The following LRP2BP variants were observed in gnomAD, a reference collection of about 807,000 sequenced individuals.
The protein encoded by LRP2BP is LRP2 binding protein.
LRP2BP carries 38 observed loss-of-function variants against 45.2 expected under a neutral mutation model. The ratio of observed to expected loss-of-function variants is 0.84; its 90% CI spans 0.65 to 1.10. LRP2BP has a LOEUF of 1.10. Among genes scored for constraint, LRP2BP ranks in the 50% least tolerant of loss-of-function variants. LRP2BP has a pLI of 0.00. For missense variants in LRP2BP, 385 were observed against 418.9 expected, an observed-to-expected ratio of 0.92 and a Z score of 0.71; for synonymous variants, 153 against 153.9, an observed-to-expected ratio of 0.99 and a Z score of 0.04.
chr4:185,383,483 A>G (rs534127086), intron 1 of LRP2BP, among the ~76,000 whole-genome samples: 1 of 152,292 alleles, frequency 6.6e-6, no homozygotes, highest in South Asian at 2.1e-4. Flanking sequence ...CCATCTCCAA[A>G]AACACACTGC....
chr4:185,369,322 A>G (rs971431041), intron 8 of LRP2BP, among the ~76,000 whole-genome samples: 1 of 149,644 alleles, frequency 6.7e-6, no homozygotes, highest in African/African-American at 2.5e-5. Flanking sequence ...GGTTGAAGCA[A>G]TTCTCCTGCC....
At chr4:185,375,508 A>ATATATATATATATATATG (rs1237179816) in intron 4 of LRP2BP, 105 bp downstream of exon 4, 1 of 87,850 alleles carries the variant, frequency 1.1e-5, no homozygotes, top group Non-Finnish European at 2.0e-5. Flanking sequence ...ATATATATAT[A>ATATATATATATATATATG]TATATATGTA....
Position 185,378,121 on chromosome 4 carries a change from A to G in LRP2BP, c.66T>C (p.Ala22=). The part of the protein sequence containing the change: ...PFYASVSQYA[A]KNQKFFQWKK... ...TCCACTGGAAAAATTTTTGGTTTTT[A>G]GCAGCATACTGAGATACAGAGGCAT... The change falls in exon 2 of 9, where the codon GCT becomes GCC. Residue 22 remains alanine (A), a synonymous_variant. Transcript: ENST00000505916. 6.2e-7 allele frequency: 1 copy of G among 1,613,960 alleles called. No individual in the cohort carries two copies.
chr4:185,378,022 C>A, intron 2 of LRP2BP, 59 bp downstream of exon 2: 2 of 1,337,130 alleles, frequency 1.5e-6, no homozygotes, highest in East Asian at 4.6e-5. Context: ...TTTGCTCTAG[C>A]ATGCAAAATG....
rs891058445 is a variant in LRP2BP, at chr4:185,365,311, TCTTTA to T, written c.*1864_*1868del. ...TCTTTAATGGCAGTTTAAAAAGTGC[TCTTTA>T]CTTAGGGCCGATCTTTTATTATGTT... On this transcript the variant is annotated 3_prime_UTR_variant, in exon 9 of 9. Coordinates refer to ENST00000505916, the MANE Select transcript of LRP2BP (RefSeq NM_001377440.1). 10 of 152,312 alleles carry T rather than the reference TCTTTA, an allele frequency of 6.6e-5. No individual in the cohort carries two copies. Among genetic ancestry groups the T allele is most frequent in the South Asian group, 6.2e-4 (3 of 4,826 alleles). 9.4% of individuals were successfully genotyped at this position (152,312 alleles called of 1,614,324 possible). A position where few individuals can be genotyped will look rare whatever the true frequency, so the allele number is the denominator to read the frequency against.
At chr4:185,396,908 C>T (rs934493413), upstream of LRP2BP, 1 of 1,613,358 alleles carries the variant, frequency 6.2e-7, no homozygotes, top group Admixed American at 1.7e-5. Context: ...CTCTTGTCAT[C>T]TGCCTTAGGC....
At chr4:185,371,541 A>C (rs1426672169) in intron 7 of LRP2BP, among the ~76,000 whole-genome samples, 5 of 6,140 alleles carry the variant, frequency 8.1e-4, no homozygotes, top group South Asian at 6.7e-3. Flanking sequence ...GACTCCGTCT[A>C]AAAAAAAAAA....
intron 7 of LRP2BP, among the ~76,000 whole-genome samples, chr4:185,372,632 G>A (rs537480507): frequency 2.0e-5 from 3 of 152,302 alleles, no homozygotes; most frequent in East Asian, 3.9e-4. Flanking sequence ...AAGAGGCGAC[G>A]AGGCCATGAG....
In LRP2BP at chr4:185,367,073, A is replaced by G; in HGVS notation, c.*107T>C. The G allele has an allele frequency of 6.2e-6, 6 of 969,808 alleles. No individual in the cohort carries two copies. Among genetic ancestry groups the G allele is most frequent in the Non-Finnish European group, 9.6e-6 (6 of 624,052 alleles). The allele number at this position is 969,808 out of a possible 1,614,324, so 60.1% of individuals were successfully genotyped here. On this transcript the variant is annotated 3_prime_UTR_variant, in exon 9 of 9. Transcript: ENST00000505916. ...GTAACATGTCACCTGTAAAATACCC[A>G]GGATAGTGTAATTTGTGATGTGCAA...
At chr4:185,394,264 TA>T (rs56883920) in intron 1 of LRP2BP, among the ~76,000 whole-genome samples, 16,369 of 121,154 alleles carry the variant, frequency 0.14, 1,126 homozygotes, top group African/African-American at 0.21. Flanking sequence ...GTTTCAGAGT[TA>T]AAAAAAAAAA....
chr4:185,387,593 G>GT (rs1242906748), intron 1 of LRP2BP, among the ~76,000 whole-genome samples: 4 of 152,192 alleles, frequency 2.6e-5, no homozygotes, highest in Non-Finnish European at 2.9e-5. Context: ...TGAATTGCAA[G>GT]TAAGAGACTG....
In LRP2BP at chr4:185,371,799, G is replaced by A. The variant is rs185542240; in HGVS notation, c.804-985C>T. On this transcript the variant is annotated intron_variant, in intron 7 of 8. Transcript: ENST00000505916. ...GTAAGTGGTCTGCTGCCTGGAGCCC[G>A]AGACGCTGGGGAAGCGGGGTAGAAG... Among the ~76,000 whole-genome samples the A allele has an allele frequency of 3.0e-4, 45 of 152,254 alleles. No individual in the cohort carries two copies. The East Asian group carries it at 6.4e-3, about 22-fold the overall frequency.
intron 7 of LRP2BP, chr4:185,371,070 G>T: frequency 8.3e-6 from 3 of 362,242 alleles, no homozygotes; most frequent in South Asian, 1.3e-4. Flanking sequence ...ACAAAGGTAT[G>T]TTTCTTTTTT....
chr4:185,374,473 G>T lies in LRP2BP; in HGVS notation c.331-12C>A. 1 of 1,601,292 alleles carries T rather than the reference G, an allele frequency of 6.2e-7. No homozygotes were observed. The highest frequency in any genetic ancestry group is 1.8e-5 in the Admixed American group (1 of 56,368). On this transcript the variant is annotated splice_polypyrimidine_tract_variant and intron_variant, in intron 4 of 8. Transcript: ENST00000505916. ...TCCACCCCTTTCTCCTTCGACAAAA[G>T]AAAGAGCAAAAAAACCCTAGTTTTT...
intron 1 of LRP2BP, 33 bp downstream of exon 1, chr4:185,394,746 G>C: frequency 3.0e-6 from 3 of 985,152 alleles, no homozygotes; most frequent in Non-Finnish European, 2.4e-6. Flanking sequence ...TCAAGATTCA[G>C]CCCACACATC....
At chr4:185,377,245 C>T (rs529774839) in intron 2 of LRP2BP, 41 of 453,456 alleles carry the variant, frequency 9.0e-5, no homozygotes, top group Non-Finnish European at 1.4e-4. Flanking sequence ...TGGCCGGGCG[C>T]GGTGGCTCAC....
At chr4:185,373,249 G>A (rs1312328975) in intron 6 of LRP2BP, among the ~76,000 whole-genome samples, 170 bp from the exon 7 acceptor site, 1 of 152,206 alleles carries the variant, frequency 6.6e-6, no homozygotes, top group African/African-American at 2.4e-5. Context: ...GCCTAACACA[G>A]TGTGGAGGCG....
At position 185,389,496 on chromosome 4, in the gene LRP2BP, C is replaced by T. The variant is rs1322472046; in HGVS notation, c.-22+5283G>A. ...AAGTGCTGGGATTACAGGCGTGAGC[C>T]ACCGTGCCCAGCCTAAAATAATAAT... On this transcript the variant is annotated intron_variant, in intron 1 of 8. Transcript: ENST00000505916. Among the ~76,000 whole-genome samples, 3 of 152,214 alleles carry T rather than the reference C, an allele frequency of 2.0e-5. No homozygotes were observed. In the East Asian group the frequency reaches 5.8e-4, roughly 29 times the overall value.
chr4:185,396,808 G>C, upstream of LRP2BP: 1 of 1,143,846 alleles, frequency 8.7e-7, no homozygotes, highest in South Asian at 1.3e-5. Context: ...AAGTCCCAGC[G>C]GTCTTTAAAT....
Sources: allele counts gnomAD v4.1 joint callset (sites outside exome capture counted in the v4.1 genomes callset), GRCh38; gene constraint gnomAD v4.1.1; transcripts MANE v1.5; gene names NCBI Gene and HGNC (gene_info 2026-07-23, HGNC 2026-07-21).